Variants in RHPN2 observed in about 807,000 individuals in gnomAD.
RHPN2 encodes rhophilin-2.
A neutral mutation model predicts 79.0 loss-of-function variants in RHPN2; 40 were observed. The ratio of observed to expected loss-of-function variants is 0.51; its 90% CI spans 0.39 to 0.66. RHPN2 has a LOEUF of 0.66. Ranked by LOEUF, RHPN2 falls within the 30% of genes least tolerant of loss-of-function variation. The probability of loss-of-function intolerance (pLI) is 0.00; values close to 1 mark genes in which losing one functional copy is unlikely to be tolerated. For missense variants in RHPN2, 686 were observed against 883.5 expected (o/e 0.78, Z 2.83); for synonymous variants, 285 against 363.5 (o/e 0.78, Z 2.46).
At chr19:32,984,702 A>G (rs1971601786) in intron 14 of RHPN2, among the ~76,000 whole-genome samples, 1 of 152,104 alleles carries the variant, frequency 6.6e-6, no homozygotes, top group African/African-American at 2.4e-5. Flanking sequence ...CTGTAATCCC[A>G]ACTATTCGGG....
intron 13 of RHPN2, 93 bp from the exon 14 acceptor site, chr19:32,990,762 G>A (rs978991408): frequency 8.7e-6 from 13 of 1,497,048 alleles, no homozygotes; most frequent in South Asian, 4.6e-5. Flanking sequence ...GCGTAAGTTC[G>A]CATCAAGAAA....
At chr19:33,036,233 G>T (rs1972054763) in intron 2 of RHPN2, among the ~76,000 whole-genome samples, 2 of 150,588 alleles carry the variant, frequency 1.3e-5, no homozygotes, top group Admixed American at 6.6e-5. Flanking sequence ...TGTTGCCCAG[G>T]CTGGAGTGCA....
chr19:33,008,492 G>A (rs1971811787), intron 6 of RHPN2, among the ~76,000 whole-genome samples: 1 of 151,828 alleles, frequency 6.6e-6, no homozygotes, highest in Non-Finnish European at 1.5e-5. Context: ...TGGGTTGGCT[G>A]GGTGCGGTGG....
intron 6 of RHPN2, 95 bp downstream of exon 6, chr19:33,011,584 C>T (rs1971835409): frequency 3.3e-6 from 5 of 1,509,980 alleles, no homozygotes; most frequent in Non-Finnish European, 4.6e-6. Context: ...CTGAGGTGCA[C>T]AGGGGCACCC....
intron 2 of RHPN2, among the ~76,000 whole-genome samples, chr19:33,034,832 GTCAT>G (rs938852623): frequency 3.3e-5 from 5 of 150,774 alleles, no homozygotes. Context: ...GGTGAAGTGG[GTCAT>G]TCCTATGATC....
intron 2 of RHPN2, among the ~76,000 whole-genome samples, chr19:33,040,446 G>T (rs1972091756): frequency 6.6e-6 from 1 of 151,710 alleles, no homozygotes; most frequent in Non-Finnish European, 1.5e-5. Context: ...CACCATGTTG[G>T]CCAGGATGGT....
chr19:33,041,340 C>T (rs2145260895), intron 2 of RHPN2, among the ~76,000 whole-genome samples: 1 of 152,326 alleles, frequency 6.6e-6, no homozygotes, highest in Non-Finnish European at 1.5e-5. Context: ...TAATGGGTCG[C>T]CCAGGGACAC....
chr19:33,031,378 G>C (rs1293464200), intron 2 of RHPN2, among the ~76,000 whole-genome samples: 1 of 150,682 alleles, frequency 6.6e-6, no homozygotes, highest in Non-Finnish European at 1.5e-5. Context: ...TCCCACCTCA[G>C]ACTCCCAAGT....
rs1487695949 is a variant in RHPN2, at chr19:33,064,537, CGGAG to C, written c.69+243_69+246del. On this transcript the variant is annotated intron_variant, in intron 1 of 14. Coordinates refer to ENST00000254260, the MANE Select transcript of RHPN2 (RefSeq NM_033103.5). ...TCCAGGTCCTCCGCCCGCACCTGCG[CGGAG>C]CGGCCACATGCGCCTCCCCTACTCC... Among the ~76,000 whole-genome samples, 403 of 152,248 alleles carry C rather than the reference CGGAG, an allele frequency of 2.6e-3. 1 individual carries two copies. The highest frequency in any genetic ancestry group is 9.1e-3 in the African/African-American group (380 of 41,564).
chr19:33,038,619 G>A (rs1972076577), intron 2 of RHPN2, among the ~76,000 whole-genome samples: 3 of 151,910 alleles, frequency 2.0e-5, no homozygotes. Flanking sequence ...CTCCCAAGTA[G>A]CTGGGATTAC....
intron 3 of RHPN2, among the ~76,000 whole-genome samples, chr19:33,026,149 G>T (rs533801786): frequency 2.6e-5 from 4 of 151,680 alleles, no homozygotes; most frequent in Non-Finnish European, 5.9e-5. Context: ...CACCACGCCT[G>T]GCTATTTTTT....
chr19:33,040,513 C>A (rs2145260376), intron 2 of RHPN2, among the ~76,000 whole-genome samples: 1 of 152,142 alleles, frequency 6.6e-6, no homozygotes, highest in African/African-American at 2.4e-5. Context: ...GCTGGAATTA[C>A]AGAAGTGAGC....
intron 1 of RHPN2, among the ~76,000 whole-genome samples, chr19:33,061,850 T>C (rs1482559327): frequency 6.6e-6 from 1 of 151,920 alleles, no homozygotes; most frequent in African/African-American, 2.4e-5. Context: ...AAATTTTTTA[T>C]AGAGCCAAGG....
chr19:33,029,983 T>C (rs1017827088), intron 2 of RHPN2, among the ~76,000 whole-genome samples: 4 of 152,156 alleles, frequency 2.6e-5, no homozygotes, highest in Non-Finnish European at 4.4e-5. Context: ...GCTGATAGCA[T>C]AGGCACCTCT....
intron 12 of RHPN2, chr19:32,992,264 T>C: frequency 5.4e-6 from 2 of 370,766 alleles, no homozygotes; most frequent in Non-Finnish European, 5.1e-6. Context: ...AGTGTGGTGG[T>C]ATGATCTCGG....
chr19:33,015,593 C>T (rs1971871343), intron 4 of RHPN2, among the ~76,000 whole-genome samples: 2 of 152,008 alleles, frequency 1.3e-5, no homozygotes, highest in South Asian at 4.1e-4. Flanking sequence ...TAATTTTTTG[C>T]AACGTAACAG....
intron 3 of RHPN2, among the ~76,000 whole-genome samples, chr19:33,022,133 T>G (rs1971929653): frequency 6.6e-6 from 1 of 151,942 alleles, no homozygotes; most frequent in African/African-American, 2.4e-5. Context: ...TTAGTAGCAA[T>G]GGGGTTTCGC....
intron 1 of RHPN2, among the ~76,000 whole-genome samples, chr19:33,063,091 T>A (rs1238732053): frequency 6.6e-6 from 1 of 152,048 alleles, no homozygotes; most frequent in East Asian, 1.9e-4. Flanking sequence ...CACAGCAATT[T>A]TGTGGGAGTG....
At chr19:32,995,454 C>G (rs181647467) in intron 11 of RHPN2, among the ~76,000 whole-genome samples, 1 of 152,080 alleles carries the variant, frequency 6.6e-6, no homozygotes, top group Non-Finnish European at 1.5e-5. Context: ...CAGCTACATA[C>G]CCCCACCAGC....
Sources: gnomAD v4.1 joint callset for allele counts (sites outside exome capture counted in the v4.1 genomes callset) on GRCh38, gnomAD v4.1.1 for gene constraint, MANE v1.5 for transcripts, NCBI Gene and HGNC (gene_info 2026-07-23, HGNC 2026-07-21) for gene names.